ZNF226: variants seen among roughly 807,000 people sequenced by gnomAD.
ZNF226 encodes Kruppel-associated box protein.
ZNF226 carries 6 observed loss-of-function variants against 11.4 expected under a neutral mutation model. The ratio of observed to expected loss-of-function variants is 0.53; its 90% CI spans 0.29 to 1.04. The LOEUF (loss-of-function observed/expected upper bound fraction) is 1.04, where lower values mean the gene tolerates loss of function less well. Among genes scored for constraint, ZNF226 ranks in the 50% least tolerant of loss-of-function variants. The pLI, the probability that ZNF226 is intolerant of heterozygous loss-of-function variation, is 0.08. For synonymous variants in ZNF226, 350 were observed against 322.8 expected (o/e 1.08, Z -0.90); for missense variants, 1,058 against 956.5 (o/e 1.11, Z -1.40).
the ZNF226 span, among the ~76,000 whole-genome samples, chr19:44,196,743 G>A: frequency 6.6e-6 from 1 of 152,214 alleles, no homozygotes; most frequent in Non-Finnish European, 1.5e-5. Context: ...TTGGGCTCAT[G>A]TTGATAGAAT....
At chr19:44,185,697 A>G in the ZNF226 span, among the ~76,000 whole-genome samples, 1 of 152,054 alleles carries the variant, frequency 6.6e-6, no homozygotes, top group African/African-American at 2.4e-5. Context: ...ATTTTCCTCC[A>G]TTCTGCAGGC....
At chr19:44,177,980 T>C (rs73934470), downstream of ZNF226, 1,546 of 241,478 alleles carry the variant, frequency 6.4e-3, 31 homozygotes, top group African/African-American at 0.033. Context: ...TGAATCTACA[T>C]AATCTTACCA....
chr19:44,176,494 G>T lies in ZNF226; in HGVS notation c.1232G>T (p.Arg411Ile). 1 of 1,613,958 alleles carries T rather than the reference G, an allele frequency of 6.2e-7. No homozygotes were observed. Among genetic ancestry groups the T allele is most frequent in the Non-Finnish European group, 8.5e-7 (1 of 1,179,984 alleles). The change falls in exon 6 of 6, where the codon AGA becomes ATA. Residue 411 changes from arginine (R) to isoleucine (I), a missense_variant. By Grantham distance (97) the Arg-to-Ile change is moderately conservative. Transcript: ENST00000337433. ...AATTCACATCTTCAATCCCATCAAA[G>T]AGTTCATACAGGAGAGAAACCATAC... Reference protein sequence around the residue: ...SRNSHLQSHQRVHTGEKPYKC... With the variant: ...SRNSHLQSHQIVHTGEKPYKC...
chr19:44,172,781 G>T, intron 4 of ZNF226, 79 bp from the exon 5 acceptor site: 1 of 1,142,914 alleles, frequency 8.7e-7, no homozygotes, highest in Non-Finnish European at 1.3e-6. Context: ...TGTCTTGAAT[G>T]TGCAGTTGCA....
rs755293459 is a variant in ZNF226 at position 44,170,068 on chromosome 19, GGAA to G, written c.-9_-7del. 6.2e-6 allele frequency: 10 copies of G among 1,611,104 alleles called. No individual in the cohort carries two copies. In the South Asian group the frequency reaches 9.9e-5, roughly 16 times the overall value. On this transcript the variant is annotated 5_prime_UTR_variant, in exon 3 of 6. Transcript: ENST00000337433. ...CTTAGGACTCTGCACTTCCCCAGAA[GGAA>G]GAATTAAAAATGAATATGTTCAAGG...
intron 2 of ZNF226, among the ~76,000 whole-genome samples, chr19:44,169,234 C>A (rs2122300281): frequency 6.6e-6 from 1 of 152,176 alleles, no homozygotes; most frequent in East Asian, 1.9e-4. Flanking sequence ...TCTTCAACTC[C>A]TGACTGTAAG....
In ZNF226 at chr19:44,176,130, T is replaced by G; in HGVS notation, c.868T>G (p.Cys290Gly). 6.2e-7 allele frequency: 1 copy of G among 1,614,174 alleles called. No homozygotes were observed. Among genetic ancestry groups the G allele is most frequent in the African/African-American group, 1.3e-5 (1 of 75,030 alleles). ...LTCVERGKGF[C>G]YSPVLPVHQK... is the part of the protein sequence containing the mutation. ...ATGTGTTGAGCGTGGAAAAGGCTTC[T>G]GTTACAGCCCAGTTCTTCCTGTTCA... Residue 290 changes from cysteine (C) to glycine (G), a missense_variant, in exon 6 of 6, where the codon TGT (cysteine) becomes GGT (glycine). Cys to Gly is a radical substitution (Grantham distance 159). Transcript: ENST00000337433.
At chr19:44,179,297 TTTAAC>T (rs1286907866), downstream of ZNF226, among the ~76,000 whole-genome samples, 1 of 152,226 alleles carries the variant, frequency 6.6e-6, no homozygotes, top group Non-Finnish European at 1.5e-5. Context: ...TTTTTTCACA[TTTAAC>T]TTCTATATTT....
downstream of ZNF226, among the ~76,000 whole-genome samples, chr19:44,180,045 C>G (rs1970882313): frequency 6.8e-6 from 1 of 146,034 alleles, no homozygotes; most frequent in Non-Finnish European, 1.5e-5. Flanking sequence ...TGCGATCGTG[C>G]CACTGCACTC....
chr19:44,190,911 G>A, the ZNF226 span, among the ~76,000 whole-genome samples: 1 of 152,192 alleles, frequency 6.6e-6, no homozygotes, highest in Non-Finnish European at 1.5e-5. Flanking sequence ...TTTGTTCACA[G>A]AAGTATATTT....
chr19:44,180,537 G>A (rs1568577250), downstream of ZNF226, among the ~76,000 whole-genome samples: 1 of 152,176 alleles, frequency 6.6e-6, no homozygotes, highest in Non-Finnish European at 1.5e-5. Flanking sequence ...AGCTTAGTGA[G>A]TTAAGTCAGG....
In ZNF226 at chr19:44,172,179, T is replaced by G. The variant is rs757166061; in HGVS notation, c.107T>G (p.Val36Gly). The change falls in exon 4 of 6, where the codon GTG becomes GGG. Residue 36 changes from valine (V) to glycine (G), a missense_variant. Transcript: ENST00000337433. ...GPAQRKLYRD[V>G]MVENFRNLLS... is the part of the protein sequence containing the mutation. Reference sequence around the variant, plus strand: ...GCCCAGAGGAAGCTGTACCGAGATGTGATGGTGGAGAACTTTAGGAACCTG... The same window carrying G: ...GCCCAGAGGAAGCTGTACCGAGATGGGATGGTGGAGAACTTTAGGAACCTG... 3 of 1,612,574 alleles carry G rather than the reference T, an allele frequency of 1.9e-6. No homozygotes were observed. The Admixed American group carries it at 5.0e-5, about 27-fold the overall frequency.
At chr19:44,186,886 T>TA in the ZNF226 span, among the ~76,000 whole-genome samples, 2 of 71,212 alleles carry the variant, frequency 2.8e-5, no homozygotes, top group African/African-American at 2.0e-4. Flanking sequence ...TTTTTTTTTT[T>TA]TAATCATGAA....
Position 44,175,583 on chromosome 19 carries a change from TG to T in ZNF226, c.322del (p.Ala108GlnfsTer4), listed in dbSNP as rs1235610411. On this transcript the variant is annotated frameshift_variant, in exon 6 of 6. Coordinates refer to ENST00000337433, the MANE Select transcript of ZNF226 (RefSeq NM_001032373.2). LOFTEE classifies it low-confidence loss of function (END_TRUNC). ...CTTGTTGGCAAATCTGGCAACAAAT[TG>T]CAAATGACTTAACCAGGTGTCAAGA... ...LSCWQIWQQIANDLTRCQDSM... is the reference protein window; with the variant it reads ...LSCWQIWQQIXNDLTRCQDSM... The T allele has an allele frequency of 4.3e-6, 7 of 1,612,956 alleles. No homozygotes were observed. The highest frequency in any genetic ancestry group is 5.9e-6 in the Non-Finnish European group (7 of 1,179,670).
Position 44,176,991 on chromosome 19 carries a change from C to T in ZNF226, c.1729C>T (p.His577Tyr). 1 of 1,613,996 alleles carries T rather than the reference C, an allele frequency of 6.2e-7. No individual in the cohort carries two copies. The highest frequency in any genetic ancestry group is 8.5e-7 in the Non-Finnish European group (1 of 1,179,892). ...CAATCAGAGCTCACGACTTCAGATT[C>T]ACCAGCTGATCCATACGGGTGAGAA... ...GFNQSSRLQI[H>Y]QLIHTGEKPY... The change falls in exon 6 of 6, where the codon CAC (histidine) becomes TAC (tyrosine). Residue 577 changes from histidine to tyrosine, a missense_variant. Coordinates refer to ENST00000337433, the MANE Select transcript of ZNF226 (RefSeq NM_001032373.2).
At chr19:44,195,702 GGTT>G in the ZNF226 span, among the ~76,000 whole-genome samples, 258 of 152,236 alleles carry the variant, frequency 1.7e-3, 1 homozygote, top group African/African-American at 5.6e-3. Context: ...CTTTGTGCAA[GGTT>G]GTTGTGATTT....
intron 3 of ZNF226, 71 bp from the exon 4 acceptor site, chr19:44,172,017 C>T (rs2122381194): frequency 6.4e-7 from 1 of 1,574,730 alleles, no homozygotes; most frequent in Non-Finnish European, 8.7e-7. Context: ...CAACTTTCCA[C>T]CTGTTCTCAG....
intron 5 of ZNF226, chr19:44,175,194 C>G: frequency 7.0e-7 from 1 of 1,422,810 alleles, no homozygotes; most frequent in Non-Finnish European, 9.1e-7. Context: ...AAATGTTTTT[C>G]CTTATTGATA....
Position 44,177,052 on chromosome 19 carries a change from G to T in ZNF226, c.1790G>T (p.Ser597Ile). Residue 597 changes from serine to isoleucine, a missense_variant, in exon 6 of 6, where the codon AGT becomes ATT. By Grantham distance (142) the Ser-to-Ile change is moderately radical. Transcript: ENST00000337433. ...YKCEECGKGF[S>I]RRADLKIHCR... ...TGTGAAGAGTGTGGCAAGGGATTTAGTCGTAGAGCAGATCTTAAAATTCAC... is the reference window on the plus strand; with the variant it reads ...TGTGAAGAGTGTGGCAAGGGATTTATTCGTAGAGCAGATCTTAAAATTCAC... The T allele has an allele frequency of 6.2e-7, 1 of 1,614,054 alleles. No homozygotes were observed. Among genetic ancestry groups the T allele is most frequent in the Non-Finnish European group, 8.5e-7 (1 of 1,180,002 alleles).
Sources: gnomAD v4.1 joint callset for allele counts (sites outside exome capture counted in the v4.1 genomes callset) on GRCh38, gnomAD v4.1.1 for gene constraint, MANE v1.5 for transcripts, NCBI Gene and HGNC (gene_info 2026-07-23, HGNC 2026-07-21) for gene names.